SLC39A6: variants seen among roughly 807,000 people sequenced by gnomAD.
SLC39A6 encodes the protein solute carrier family 39 member 6, also known as zinc transporter ZIP6.
In SLC39A6, 51 loss-of-function variants were observed where a neutral mutation model predicts 63.5. That is an observed-to-expected ratio of 0.80 (90% CI 0.64 to 1.01). The LOEUF (loss-of-function observed/expected upper bound fraction) is 1.01, where lower values mean the gene tolerates loss of function less well. Among genes scored for constraint, SLC39A6 ranks in the 50% least tolerant of loss-of-function variants. The pLI is 0.00. For missense variants in SLC39A6, 805 were observed against 927.8 expected, an observed-to-expected ratio of 0.87 and a Z score of 1.72; for synonymous variants, 318 against 324.7, an observed-to-expected ratio of 0.98 and a Z score of 0.22.
intron 6 of SLC39A6, among the ~76,000 whole-genome samples, chr18:36,115,492 A>C (rs564641793): frequency 4.0e-4 from 58 of 145,266 alleles, no homozygotes; most frequent in Admixed American, 7.0e-4. Flanking sequence ...CAACAACAAC[A>C]ACCATATATC....
At chr18:36,110,411 CA>C (rs978441492) in intron 9 of SLC39A6, among the ~76,000 whole-genome samples, 1 of 114,236 alleles carries the variant, frequency 8.8e-6, no homozygotes, top group African/African-American at 3.4e-5. Context: ...ACATATTAAG[CA>C]AGATAAAGGT....
intron 5 of SLC39A6, among the ~76,000 whole-genome samples, chr18:36,119,644 AAAG>A (rs1398086711): frequency 6.6e-6 from 1 of 151,972 alleles, no homozygotes; most frequent in Non-Finnish European, 1.5e-5. Context: ...TAGAGTTAAA[AAAG>A]AAAAAATTAT....
At chr18:36,120,245 CTT>C (rs66950059) in intron 5 of SLC39A6, among the ~76,000 whole-genome samples, 3 of 150,190 alleles carry the variant, frequency 2.0e-5, no homozygotes, top group East Asian at 2.0e-4. Context: ...TAATGAGTAG[CTT>C]TTTTTTTTCT....
At chr18:36,116,814 G>GT (rs758183730) in intron 5 of SLC39A6, 35 bp from the exon 6 acceptor site, 41 of 1,454,054 alleles carry the variant, frequency 2.8e-5, no homozygotes, top group Middle Eastern at 1.7e-4. Flanking sequence ...CTTTAAAACA[G>GT]TAATTTGTTT....
chr18:36,112,468 A>T, intron 8 of SLC39A6, 33 bp downstream of exon 8: 1 of 1,510,860 alleles, frequency 6.6e-7, no homozygotes, highest in Non-Finnish European at 9.2e-7. Flanking sequence ...CATTTCACCC[A>T]CTTGGCAAAT....
chr18:36,125,947 T>C (rs576339733), intron 2 of SLC39A6, among the ~76,000 whole-genome samples: 1 of 152,346 alleles, frequency 6.6e-6, no homozygotes, highest in Non-Finnish European at 1.5e-5. Context: ...CCTTGATATC[T>C]TTCTCTACAT....
At chr18:36,129,027 C>T (rs1421453472) in intron 1 of SLC39A6, 87 bp downstream of exon 1, 1 of 152,364 alleles carries the variant, frequency 6.6e-6, no homozygotes, top group African/African-American at 2.4e-5. Context: ...ATCCGGTTCT[C>T]CGCAGAACCA....
chr18:36,110,580 C>G (rs898246205), intron 9 of SLC39A6, among the ~76,000 whole-genome samples: 2 of 151,378 alleles, frequency 1.3e-5, no homozygotes, highest in Admixed American at 6.6e-5. Flanking sequence ...GCTCTGTTGT[C>G]CAGGCTGGAG....
intron 6 of SLC39A6, 60 bp downstream of exon 6, chr18:36,116,614 C>T: frequency 8.5e-7 from 1 of 1,173,630 alleles, no homozygotes; most frequent in Non-Finnish European, 1.3e-6. Context: ...AGTCAAGTTG[C>T]CTGCAAATCA....
At chr18:36,125,660 T>C (rs922336361) in intron 2 of SLC39A6, among the ~76,000 whole-genome samples, 3 of 152,212 alleles carry the variant, frequency 2.0e-5, no homozygotes, top group Non-Finnish European at 1.5e-5. Context: ...ACGTACAGTC[T>C]GGAAGTCTAC....
chr18:36,118,594 C>T (rs1489943620), intron 5 of SLC39A6, among the ~76,000 whole-genome samples: 4 of 151,922 alleles, frequency 2.6e-5, no homozygotes, highest in Non-Finnish European at 5.9e-5. Context: ...ACAAGGTGGC[C>T]GGGGCCTACT....
intron 3 of SLC39A6, 111 bp downstream of exon 3, chr18:36,124,409 T>G: frequency 3.3e-6 from 2 of 606,098 alleles, no homozygotes; most frequent in Non-Finnish European, 5.3e-6. Flanking sequence ...ACAACTAAGA[T>G]GACATATTCA....
In SLC39A6 at chr18:36,112,462, T is replaced by A. The variant is rs777794996; in HGVS notation, c.1924+39A>T. 13 of 1,466,864 alleles carry A rather than the reference T, an allele frequency of 8.9e-6. No individual in the cohort carries two copies. In the South Asian group the frequency reaches 1.5e-4, roughly 17 times the overall value. The allele number at this position is 1,466,864 out of a possible 1,614,324, so 90.9% of individuals were successfully genotyped here. On this transcript the variant is annotated intron_variant, in intron 8 of 9. Coordinates refer to ENST00000269187, the MANE Select transcript of SLC39A6 (RefSeq NM_012319.4). The stretch of plus-strand genomic sequence containing the variant: ...CAAAAGCCAGTGACACTAGAACATT[T>A]CACCCACTTGGCAAATACAATTTAT...
chr18:36,119,099 C>A (rs369238094), intron 5 of SLC39A6, among the ~76,000 whole-genome samples: 11 of 152,174 alleles, frequency 7.2e-5, no homozygotes, highest in African/African-American at 2.4e-4. Context: ...CAGGATGGAT[C>A]TCTTAAGAAA....
At chr18:36,112,396 A>G in intron 8 of SLC39A6, 105 bp downstream of exon 8, 2 of 779,812 alleles carry the variant, frequency 2.6e-6, no homozygotes, top group Non-Finnish European at 4.4e-6. Flanking sequence ...ACTTATGAGA[A>G]GGCATGAAAT....
At chr18:36,110,583 G>T (rs1183966842) in intron 9 of SLC39A6, among the ~76,000 whole-genome samples, 1 of 151,292 alleles carries the variant, frequency 6.6e-6, no homozygotes, top group African/African-American at 2.4e-5. Flanking sequence ...CTGTTGTCCA[G>T]GCTGGAGTGC....
chr18:36,112,616 ATTAAT>A (rs762279350), intron 7 of SLC39A6, 35 bp from the exon 8 acceptor site: 7 of 1,531,778 alleles, frequency 4.6e-6, no homozygotes, highest in Non-Finnish European at 6.3e-6. Flanking sequence ...GTTTGGCTAC[ATTAAT>A]TTGTGTTTTT....
chr18:36,123,401 T>C (rs1255472364), intron 4 of SLC39A6, 94 bp downstream of exon 4: 2 of 1,198,382 alleles, frequency 1.7e-6, no homozygotes, highest in Non-Finnish European at 2.3e-6. Flanking sequence ...ACCAAATTTC[T>C]AACATTTTAT....
At chr18:36,125,363 A>AAC (rs1555632269) in intron 2 of SLC39A6, among the ~76,000 whole-genome samples, 107 of 151,332 alleles carry the variant, frequency 7.1e-4, no homozygotes, top group Non-Finnish European at 1.2e-3. Context: ...AAAAAAAAAA[A>AAC]AACAACAAAA....
Sources: allele counts gnomAD v4.1 joint callset (sites outside exome capture counted in the v4.1 genomes callset), GRCh38; gene constraint gnomAD v4.1.1; transcripts MANE v1.5; gene names NCBI Gene and HGNC (gene_info 2026-07-23, HGNC 2026-07-21).